Variants in ZFYVE28 observed in about 807,000 individuals in gnomAD.
The protein encoded by ZFYVE28 is zinc finger FYVE-type containing 28, also known as lateral signaling target protein 2 homolog.
Under a neutral mutation model 82.1 loss-of-function variants are expected in ZFYVE28, and 40 were observed. The ratio of observed to expected loss-of-function variants is 0.49; its 90% CI spans 0.38 to 0.63. The LOEUF is 0.63. Ranked by LOEUF, ZFYVE28 falls within the 30% of genes least tolerant of loss-of-function variation. The pLI, the probability that ZFYVE28 is intolerant of heterozygous loss-of-function variation, is 0.00. For missense variants in ZFYVE28, 1,321 were observed against 1,242.1 expected (o/e 1.06, Z -0.96); for synonymous variants, 612 against 546.1 (o/e 1.12, Z -1.68).
At chr4:2,376,302 T>G (rs1281599348) in intron 1 of ZFYVE28, among the ~76,000 whole-genome samples, 1 of 140,976 alleles carries the variant, frequency 7.1e-6, no homozygotes, top group Non-Finnish European at 1.5e-5. Context: ...TTTGGGTGGC[T>G]GAGGTGGGAG....
At chr4:2,403,244 T>C (rs1357607681) in intron 1 of ZFYVE28, among the ~76,000 whole-genome samples, 2 of 152,190 alleles carry the variant, frequency 1.3e-5, no homozygotes, top group East Asian at 3.9e-4. Context: ...GGAAAAAGCC[T>C]GTACCCCAGC....
In ZFYVE28 at chr4:2,320,758, C is replaced by A. The variant is rs1017030037; in HGVS notation, c.702-487G>T. 6.6e-6 allele frequency among the ~76,000 whole-genome samples: 1 copy of A among 152,182 alleles called. No individual in the cohort carries two copies. Among genetic ancestry groups the A allele is most frequent in the Non-Finnish European group, 1.5e-5 (1 of 68,038 alleles). On this transcript the variant is annotated intron_variant, in intron 6 of 12. Transcript: ENST00000290974. This position sits in a 1 kb window ranked among gnomAD's most constrained non-coding sequence, Gnocchi z 5.1. ...TTCCCTTCCTGCAGCCTGGCCAACG[C>A]TCCACAAGCCACGAGACCAAAGCAG...
At position 2,308,627 on chromosome 4, in the gene ZFYVE28, C is replaced by CACAAAGAAAGAAAGAAAGAA. The variant is rs1305129210; in HGVS notation, c.804-3092_804-3091insTTCTTTCTTTCTTTCTTTGT. Among the ~76,000 whole-genome samples, 4 of 79,582 alleles carry CACAAAGAAAGAAAGAAAGAA rather than the reference C, an allele frequency of 5.0e-5. No homozygotes were observed. The East Asian group carries it at 1.5e-3, about 30-fold the overall frequency. 52.2% of individuals were successfully genotyped at this position (79,582 alleles called of 152,430 possible). A position where few individuals can be genotyped will look rare whatever the true frequency, so the allele number is the denominator to read the frequency against. On this transcript the variant is annotated intron_variant, in intron 7 of 12. Transcript: ENST00000290974. ...GAGAGAGAGAAAGAAAGAAAGAAGA[C>CACAAAGAAAGAAAGAAAGAA]AGAAAGAAAGAAAGAAAGAAAGAAA... is the stretch of plus-strand genomic sequence containing the variant.
chr4:2,278,941 C>CAAA (rs61079376), intron 8 of ZFYVE28, among the ~76,000 whole-genome samples: 6 of 126,556 alleles, frequency 4.7e-5, no homozygotes, highest in African/African-American at 1.7e-4. Flanking sequence ...CCCCCCCCCT[C>CAAA]AAAAAAAAAA....
intron 2 of ZFYVE28, chr4:2,342,711 G>A (rs543075042): frequency 4.4e-4 from 67 of 152,278 alleles, no homozygotes; most frequent in African/African-American, 1.6e-3. Context: ...ATCCTTTTCT[G>A]TAAATTTGTC....
intron 1 of ZFYVE28, among the ~76,000 whole-genome samples, chr4:2,378,923 C>A (rs553840892): frequency 3.0e-4 from 45 of 152,344 alleles, no homozygotes; most frequent in Non-Finnish European, 4.9e-4. Flanking sequence ...ACCTTAGACT[C>A]CCACAAGGGT....
intron 1 of ZFYVE28, among the ~76,000 whole-genome samples, chr4:2,381,109 A>G (rs958871177): frequency 3.3e-5 from 5 of 152,228 alleles, no homozygotes; most frequent in Non-Finnish European, 5.9e-5. Flanking sequence ...GATGCCTGAT[A>G]GCAACATGGA....
At chr4:2,405,555 G>A (rs1013248025) in intron 1 of ZFYVE28, among the ~76,000 whole-genome samples, 23 of 152,236 alleles carry the variant, frequency 1.5e-4, no homozygotes, top group Admixed American at 1.2e-3. Flanking sequence ...CCTTGAGCAG[G>A]CCCAGGCTCT....
At chr4:2,308,715 AAAAG>A (rs1717067741) in intron 7 of ZFYVE28, among the ~76,000 whole-genome samples, 1 of 151,008 alleles carries the variant, frequency 6.6e-6, no homozygotes, top group African/African-American at 2.5e-5. Context: ...AAAAGAAAAG[AAAAG>A]AAAGAAAAAA....
chr4:2,311,494 C>T (rs567383135), intron 7 of ZFYVE28, among the ~76,000 whole-genome samples: 1 of 152,288 alleles, frequency 6.6e-6, no homozygotes, highest in African/African-American at 2.4e-5. Context: ...CCACTGTACT[C>T]CAGCCTGGGT....
At chr4:2,405,243 C>T (rs1203908762) in intron 1 of ZFYVE28, among the ~76,000 whole-genome samples, 5 of 152,136 alleles carry the variant, frequency 3.3e-5, no homozygotes, top group Admixed American at 6.5e-5. Context: ...ATACTCCAAG[C>T]GGCACCGCGA....
chr4:2,339,561 A>G lies in ZFYVE28; in HGVS notation c.413T>C (p.Val138Ala), dbSNP rs776131510. 18 of 1,612,898 alleles carry G rather than the reference A, an allele frequency of 1.1e-5. No homozygotes were observed. In the East Asian group the frequency reaches 3.8e-4, roughly 34 times the overall value. The change falls in exon 4 of 13, where the codon GTG becomes GCG. Residue 138 changes from valine (V) to alanine (A), a missense_variant. Coordinates refer to ENST00000290974, the MANE Select transcript of ZFYVE28 (RefSeq NM_020972.3). The surrounding 1 kb of genome is among the most constrained non-coding windows in gnomAD (Gnocchi z 5.0). ...CGCCTGGTCACGGAGGGCGCCCCGC[A>G]CGTCCTCCAGGCTGCGCGTCAGCTC... ...AKELTRSLEDVRGALRDQALR... is the reference protein window; with the variant it reads ...AKELTRSLEDARGALRDQALR...
intron 5 of ZFYVE28, among the ~76,000 whole-genome samples, chr4:2,336,562 G>GCCC (rs60047777): frequency 6.6e-6 from 1 of 151,448 alleles, no homozygotes; most frequent in African/African-American, 2.4e-5. Flanking sequence ...GCTTCCCCCT[G>GCCC]CCCCCCCCAC....
chr4:2,401,550 C>T (rs1731179625), intron 1 of ZFYVE28, among the ~76,000 whole-genome samples: 1 of 152,304 alleles, frequency 6.6e-6, no homozygotes, highest in African/African-American at 2.4e-5. Context: ...CCCAGGCCCT[C>T]CCCCTCCTCC....
At chr4:2,368,279 G>A (rs924730192) in intron 1 of ZFYVE28, among the ~76,000 whole-genome samples, 1 of 151,320 alleles carries the variant, frequency 6.6e-6, no homozygotes, top group Non-Finnish European at 1.5e-5. Flanking sequence ...GTCTGCACCT[G>A]TAGTCTCAGC....
chr4:2,342,044 C>T (rs543302263), intron 2 of ZFYVE28, among the ~76,000 whole-genome samples: 2 of 152,312 alleles, frequency 1.3e-5, no homozygotes, highest in East Asian at 1.9e-4. Context: ...GACGGACTCT[C>T]AGTCGGCTGG....
chr4:2,359,328 G>C (rs922711362), intron 1 of ZFYVE28, among the ~76,000 whole-genome samples: 5 of 152,088 alleles, frequency 3.3e-5, no homozygotes, highest in Non-Finnish European at 7.4e-5. Context: ...GTCTTGCCAT[G>C]TTGCCCGGGC....
chr4:2,385,627 A>G (rs115552638), intron 1 of ZFYVE28, among the ~76,000 whole-genome samples: 1,808 of 152,292 alleles, frequency 0.012, 35 homozygotes, highest in African/African-American at 0.042. Flanking sequence ...CCTGCATCTG[A>G]GCCTTTGCCC....
At chr4:2,333,859 A>G (rs1721129233) in intron 6 of ZFYVE28, among the ~76,000 whole-genome samples, 1 of 152,156 alleles carries the variant, frequency 6.6e-6, no homozygotes, top group Non-Finnish European at 1.5e-5. Context: ...ACTGCCTGTC[A>G]TTTTCTTCAA....
Sources: gnomAD v4.1 joint callset for allele counts (sites outside exome capture counted in the v4.1 genomes callset) on GRCh38, gnomAD v4.1.1 for gene constraint, Gnocchi (gnomAD v3.1) non-coding constraint, MANE v1.5 for transcripts, NCBI Gene and HGNC (gene_info 2026-07-23, HGNC 2026-07-21) for gene names.